ITGA2: variants seen among roughly 807,000 people sequenced by gnomAD.
ITGA2 encodes integrin alpha-2.
A neutral mutation model predicts 146.3 loss-of-function variants in ITGA2; 101 were observed. The observed-to-expected ratio is 0.69, with a 90% confidence interval of 0.59 to 0.81. ITGA2 has a LOEUF of 0.81. Ranked by LOEUF, ITGA2 falls within the 40% of genes least tolerant of loss-of-function variation. The pLI is 0.00. For synonymous variants in ITGA2, 477 were observed against 487.1 expected (o/e 0.98, Z 0.27); for missense variants, 1,281 against 1,402.7 (o/e 0.91, Z 1.39).
chr5:53,085,927 C>G (rs1049161509), intron 27 of ITGA2, among the ~76,000 whole-genome samples: 1 of 151,740 alleles, frequency 6.6e-6, no homozygotes, highest in African/African-American at 2.4e-5. Context: ...TTTTTTCCCC[C>G]AGACAGAGCC....
chr5:53,089,952 C>G lies in ITGA2; in HGVS notation c.3355C>G (p.Leu1119Val). 2 of 1,591,932 alleles carry G rather than the reference C, an allele frequency of 1.3e-6. No individual in the cohort carries two copies. The highest frequency in any genetic ancestry group is 1.7e-6 in the Non-Finnish European group (2 of 1,159,848). ...VIEDNTVTIP[L>V]MIMKPDEKAE... The stretch of plus-strand genomic sequence containing the variant: ...TGTGAACTGACATTTCCAGATTCCC[C>G]TGATGATAATGAAACCTGATGAGAA... Residue 1119 changes from leucine (L) to valine (V), a missense_variant, in exon 29 of 30, where the codon CTG becomes GTG. By Grantham distance (32) the Leu-to-Val change is conservative. This residue lies in a region of ITGA2 where 475 missense variants were observed against 530.5 expected (regional missense o/e 0.90). Transcript: ENST00000296585.
At chr5:53,080,664 G>A (rs752982795) in intron 25 of ITGA2, 43 bp downstream of exon 25, 6 of 1,344,638 alleles carry the variant, frequency 4.5e-6, no homozygotes, top group Non-Finnish European at 6.4e-6. Flanking sequence ...CTTTCAAGAT[G>A]TAAATAACCC....
chr5:53,090,930 A>G lies in ITGA2; in HGVS notation c.*331A>G, dbSNP rs1740388762. ...AATGCTTCCAAGCATGACAACTTTT[A>G]AAGAAAAATATGATACTCTCAGATT... is the stretch of plus-strand genomic sequence containing the variant. On this transcript the variant is annotated 3_prime_UTR_variant, in exon 30 of 30. Coordinates refer to ENST00000296585, the MANE Select transcript of ITGA2 (RefSeq NM_002203.4). The G allele has an allele frequency of 3.6e-6, 2 of 548,324 alleles. No individual in the cohort carries two copies. The highest frequency in any genetic ancestry group is 6.4e-6 in the Non-Finnish European group (2 of 311,076). The allele number at this position is 548,324 out of a possible 1,614,324, so 34.0% of individuals were successfully genotyped here.
chr5:53,087,126 A>T, intron 28 of ITGA2, 85 bp downstream of exon 28: 2 of 880,542 alleles, frequency 2.3e-6, no homozygotes, highest in Non-Finnish European at 3.8e-6. Flanking sequence ...CACTCTTCTT[A>T]CCTACATGTA....
At chr5:53,058,780 A>G (rs3212533) in intron 10 of ITGA2, among the ~76,000 whole-genome samples, 72,603 of 151,682 alleles carry the variant, frequency 0.48, 17,407 homozygotes, top group Middle Eastern at 0.52. Flanking sequence ...CTTGTTTTCT[A>G]TCTAGAATCA....
At chr5:53,022,219 T>TTTG (rs1554017020) in intron 1 of ITGA2, among the ~76,000 whole-genome samples, 6 of 150,772 alleles carry the variant, frequency 4.0e-5, no homozygotes, top group African/African-American at 1.5e-4. Context: ...TTTTTTTTTT[T>TTTG]GGGGGACAGG....
intron 1 of ITGA2, among the ~76,000 whole-genome samples, chr5:53,001,394 C>G (rs1449337937): frequency 6.6e-6 from 1 of 152,106 alleles, no homozygotes; most frequent in Non-Finnish European, 1.5e-5. Context: ...ACAATTCATT[C>G]AAGGGCTGCT....
chr5:53,012,903 GA>G (rs1742211187), intron 1 of ITGA2, among the ~76,000 whole-genome samples: 1 of 151,940 alleles, frequency 6.6e-6, no homozygotes, highest in South Asian at 2.1e-4. Flanking sequence ...TTCTTCTTTT[GA>G]AAGCATTGGT....
intron 1 of ITGA2, among the ~76,000 whole-genome samples, chr5:52,997,958 T>C (rs1212989284): frequency 6.6e-6 from 1 of 152,190 alleles, no homozygotes; most frequent in Non-Finnish European, 1.5e-5. Flanking sequence ...ATTTTTTCAG[T>C]ATAAAAATTT....
Position 53,090,835 on chromosome 5 carries a change from GA to G in ITGA2, c.*243del, listed in dbSNP as rs901519225. 165 of 594,400 alleles carry G rather than the reference GA, an allele frequency of 2.8e-4. 1 individual carries two copies. The highest frequency in any genetic ancestry group is 1.3e-3 in the Middle Eastern group (3 of 2,230). 36.8% of individuals were successfully genotyped at this position (594,400 alleles called of 1,614,324 possible). On this transcript the variant is annotated 3_prime_UTR_variant, in exon 30 of 30. Transcript: ENST00000296585. ...AAAATACCTATTTTATATGATGGGG[GA>G]AAAAAAGTAATCTTTAAACTGGCTG... is the stretch of plus-strand genomic sequence containing the variant.
chr5:53,008,852 A>G (rs550768091), intron 1 of ITGA2, among the ~76,000 whole-genome samples: 1 of 152,254 alleles, frequency 6.6e-6, no homozygotes, highest in African/African-American at 2.4e-5. Context: ...GGTACAGTCA[A>G]TACATTAGCC....
intron 26 of ITGA2, among the ~76,000 whole-genome samples, chr5:53,082,653 G>A (rs927832365): frequency 4.6e-5 from 7 of 152,022 alleles, no homozygotes; most frequent in Non-Finnish European, 8.8e-5. Context: ...TGCCACAATC[G>A]ATGAAACTAC....
In ITGA2 at chr5:53,051,516, G is replaced by A. The variant is rs1276580170; in HGVS notation, c.736G>A (p.Gly246Ser). 7 of 1,613,598 alleles carry A rather than the reference G, an allele frequency of 4.3e-6. No individual in the cohort carries two copies. The highest frequency in any genetic ancestry group is 1.1e-5 in the South Asian group (1 of 91,066). Reference sequence around the variant, plus strand: ...AGCAACATCCCAGACATCCCAATATGGTGGGGACCTCACAAACACATTCGG... The same window carrying A: ...AGCAACATCCCAGACATCCCAATATAGTGGGGACCTCACAAACACATTCGG... Reference protein sequence around the residue: ...IVATSQTSQYGGDLTNTFGAI... With the variant: ...IVATSQTSQYSGDLTNTFGAI... Residue 246 changes from glycine (G) to serine (S), a missense_variant, in exon 7 of 30, where the codon GGT becomes AGT. Transcript: ENST00000296585.
chr5:53,050,648 A>G (rs1744312296), intron 6 of ITGA2, among the ~76,000 whole-genome samples: 1 of 152,172 alleles, frequency 6.6e-6, no homozygotes, highest in Non-Finnish European at 1.5e-5. Flanking sequence ...CCTGTTCTGG[A>G]AAGCCCATCT....
At chr5:53,005,455 G>A (rs575401382) in intron 1 of ITGA2, among the ~76,000 whole-genome samples, 69 of 151,894 alleles carry the variant, frequency 4.5e-4, no homozygotes, top group Non-Finnish European at 9.1e-4. Flanking sequence ...TGTAGCAGGT[G>A]CCTGTAATCC....
intron 6 of ITGA2, among the ~76,000 whole-genome samples, chr5:53,049,663 A>G (rs1442185264): frequency 6.6e-6 from 1 of 152,088 alleles, no homozygotes; most frequent in Non-Finnish European, 1.5e-5. Flanking sequence ...AAAGCTCAAT[A>G]GTATTATTTT....
At chr5:53,031,566 A>T (rs1180793923) in intron 2 of ITGA2, among the ~76,000 whole-genome samples, 2 of 152,200 alleles carry the variant, frequency 1.3e-5, no homozygotes, top group African/African-American at 4.8e-5. Flanking sequence ...TTACATCAGG[A>T]TCTACCAGAT....
intron 28 of ITGA2, among the ~76,000 whole-genome samples, chr5:53,088,667 C>G (rs1275926535): frequency 3.3e-5 from 4 of 120,222 alleles, no homozygotes; most frequent in East Asian, 2.4e-4. Flanking sequence ...GCCTGTATAA[C>G]AGAGAGAGAC....
At chr5:53,045,217 A>G (rs1744016691) in intron 4 of ITGA2, 125 bp downstream of exon 4, 2 of 768,646 alleles carry the variant, frequency 2.6e-6, no homozygotes, top group Non-Finnish European at 4.6e-6. Context: ...AAATTATGCT[A>G]TTTATTTGGC....
Sources: allele counts gnomAD v4.1 joint callset (sites outside exome capture counted in the v4.1 genomes callset), GRCh38; gene constraint gnomAD v4.1.1; regional missense constraint gnomAD v4.1.1; transcripts MANE v1.5; gene names NCBI Gene and HGNC (gene_info 2026-07-23, HGNC 2026-07-21).